ESRP1: variants seen among roughly 807,000 people sequenced by gnomAD.
The protein encoded by ESRP1 is epithelial splicing regulatory protein 1, also known as RNA-binding motif protein 35A.
A neutral mutation model predicts 81.7 loss-of-function variants in ESRP1; 33 were observed. The observed-to-expected ratio is 0.40, with a 90% CI of 0.31 to 0.54. The LOEUF (loss-of-function observed/expected upper bound fraction) is 0.54. Among genes scored for constraint, ESRP1 ranks in the 20% least tolerant of loss-of-function variants. The pLI is 0.41. For synonymous variants in ESRP1, 320 were observed against 303.3 expected (o/e 1.06, Z -0.57); for missense variants, 672 against 833.1 (o/e 0.81, Z 2.38).
intron 3 of ESRP1, 42 bp downstream of exon 3, chr8:94,643,458 G>C: frequency 7.3e-7 from 1 of 1,372,560 alleles, no homozygotes; most frequent in East Asian, 2.3e-5. Context: ...TTGGAGCTTT[G>C]GGGTGACTGG....
chr8:94,658,118 G>A (rs1818529819), intron 4 of ESRP1, among the ~76,000 whole-genome samples: 2 of 152,150 alleles, frequency 1.3e-5, no homozygotes, highest in African/African-American at 4.8e-5. Context: ...CACCATGTTG[G>A]CTAGGCTGAT....
At chr8:94,692,307 C>T (rs541312549) in intron 13 of ESRP1, among the ~76,000 whole-genome samples, 3 of 152,184 alleles carry the variant, frequency 2.0e-5, no homozygotes, top group South Asian at 2.1e-4. Context: ...TCTTTGTATA[C>T]GTGCCTCTTC....
intron 6 of ESRP1, among the ~76,000 whole-genome samples, chr8:94,664,328 T>A (rs1444337574): frequency 3.9e-5 from 6 of 152,082 alleles, no homozygotes; most frequent in Non-Finnish European, 7.4e-5. Flanking sequence ...TTTACCATGT[T>A]GGCCAGGCTG....
At chr8:94,659,620 C>G (rs978141983) in intron 4 of ESRP1, among the ~76,000 whole-genome samples, 2 of 152,178 alleles carry the variant, frequency 1.3e-5, no homozygotes, top group African/African-American at 2.4e-5. Flanking sequence ...GAAGGCATGT[C>G]AAAAGCTAAG....
intron 10 of ESRP1, among the ~76,000 whole-genome samples, chr8:94,668,853 C>T (rs541633158): frequency 2.2e-5 from 3 of 134,690 alleles, no homozygotes; most frequent in South Asian, 2.3e-4. Context: ...AGTGCAGTGG[C>T]GCAATCTCTG....
At chr8:94,676,153 C>T (rs1259456084) in intron 12 of ESRP1, among the ~76,000 whole-genome samples, 1 of 152,036 alleles carries the variant, frequency 6.6e-6, no homozygotes, top group African/African-American at 2.4e-5. Flanking sequence ...GCAGGTGGAT[C>T]ACATAAGGTC....
At chr8:94,642,776 C>A (rs922294344) in intron 2 of ESRP1, among the ~76,000 whole-genome samples, 1 of 152,160 alleles carries the variant, frequency 6.6e-6, no homozygotes, top group Non-Finnish European at 1.5e-5. Context: ...GGGCGCTAAA[C>A]ACCTGTGCAC....
rs192362663 is a variant in ESRP1 at position 94,699,487 on chromosome 8, A to G, written c.*35+2526A>G. ...CAAAACCCTGTCACTACGAAAAAAA[A>G]TACAGAAAATTACCTAGGTGTGGTG... On this transcript the variant is annotated intron_variant, in intron 15 of 15. Coordinates refer to ENST00000433389, the MANE Select transcript of ESRP1 (RefSeq NM_017697.4). Among the ~76,000 whole-genome samples, 12 of 151,966 alleles carry G rather than the reference A, an allele frequency of 7.9e-5. No individual in the cohort carries two copies. The East Asian group carries it at 2.3e-3, about 29-fold the overall frequency.
intron 15 of ESRP1, among the ~76,000 whole-genome samples, chr8:94,698,658 T>C (rs376439247): frequency 1.2e-3 from 178 of 152,362 alleles, no homozygotes; most frequent in African/African-American, 4.1e-3. Context: ...ATACTGGTTT[T>C]TCATCATTTT....
In ESRP1 at chr8:94,707,452, C is replaced by T. The variant is rs1251964977; in HGVS notation, c.*1563C>T. ...AGTTAACATTTGATAATAAAACTTGCCTGTTTAATCTCAATGTTTGCGATT... is the reference window on the plus strand; with the variant it reads ...AGTTAACATTTGATAATAAAACTTGTCTGTTTAATCTCAATGTTTGCGATT... On this transcript the variant is annotated 3_prime_UTR_variant, in exon 16 of 16. Transcript: ENST00000433389. 3 of 144,884 alleles carry T rather than the reference C, an allele frequency of 2.1e-5. No individual in the cohort carries two copies. Among genetic ancestry groups the T allele is most frequent in the African/African-American group, 8.0e-5 (3 of 37,392 alleles). 9.0% of individuals were successfully genotyped at this position (144,884 alleles called of 1,614,324 possible).
At chr8:94,680,118 A>G (rs1454470906) in intron 13 of ESRP1, among the ~76,000 whole-genome samples, 3 of 152,100 alleles carry the variant, frequency 2.0e-5, no homozygotes, top group Middle Eastern at 3.2e-3. Context: ...CCTGGGCTCA[A>G]GTAATCCACT....
intron 2 of ESRP1, among the ~76,000 whole-genome samples, chr8:94,642,419 C>T (rs1305477354): frequency 6.6e-6 from 1 of 152,220 alleles, no homozygotes; most frequent in Non-Finnish European, 1.5e-5. Context: ...AGGTCCAGAC[C>T]CCAGACGCGC....
intron 13 of ESRP1, among the ~76,000 whole-genome samples, chr8:94,678,796 T>C (rs991505516): frequency 2.6e-5 from 4 of 152,284 alleles, no homozygotes; most frequent in African/African-American, 9.6e-5. Flanking sequence ...CCAGGGCTTA[T>C]ATTCTTTTCC....
At chr8:94,643,230 C>G in intron 2 of ESRP1, 73 bp from the exon 3 acceptor site, 1 of 1,057,854 alleles carries the variant, frequency 9.5e-7, no homozygotes, top group Non-Finnish European at 1.5e-6. Flanking sequence ...CTGGCTATCA[C>G]CAAGGGGAGC....
At chr8:94,673,314 A>G (rs1445013482) in intron 11 of ESRP1, among the ~76,000 whole-genome samples, 1 of 152,164 alleles carries the variant, frequency 6.6e-6, no homozygotes, top group East Asian at 1.9e-4. Context: ...CATGTGACCT[A>G]TTGTGATTAC....
intron 13 of ESRP1, among the ~76,000 whole-genome samples, chr8:94,682,908 A>T (rs1185380835): frequency 4.9e-5 from 1 of 20,540 alleles, no homozygotes; most frequent in African/African-American, 2.9e-4. Context: ...ATTATTTTAT[A>T]TATATATATA....
intron 3 of ESRP1, among the ~76,000 whole-genome samples, chr8:94,645,302 C>T (rs1817787717): frequency 6.6e-6 from 1 of 151,692 alleles, no homozygotes; most frequent in Non-Finnish European, 1.5e-5. Flanking sequence ...CCTTGATGTT[C>T]TAATGTAAAA....
intron 10 of ESRP1, 149 bp downstream of exon 10, chr8:94,668,399 A>G: frequency 1.4e-6 from 1 of 714,274 alleles, no homozygotes; most frequent in African/African-American, 1.8e-5. Flanking sequence ...TTCTATAACC[A>G]AGAGATAGCC....
intron 4 of ESRP1, 62 bp from the exon 5 acceptor site, chr8:94,662,210 T>C: frequency 9.3e-7 from 1 of 1,078,664 alleles, no homozygotes; most frequent in Non-Finnish European, 1.3e-6. Flanking sequence ...ATAGGTTTAA[T>C]TTTGATTTAG....
Sources: allele counts gnomAD v4.1 joint callset (sites outside exome capture counted in the v4.1 genomes callset), GRCh38; gene constraint gnomAD v4.1.1; transcripts MANE v1.5; gene names NCBI Gene and HGNC (gene_info 2026-07-23, HGNC 2026-07-21).